The following SSH2 variants were observed in gnomAD, a reference collection of about 807,000 sequenced individuals.
The protein encoded by SSH2 is slingshot protein phosphatase 2.
SSH2 carries 37 observed loss-of-function variants against 135.2 expected under a neutral mutation model. The observed-to-expected ratio is 0.27, with a 90% CI of 0.21 to 0.36. The LOEUF (loss-of-function observed/expected upper bound fraction) is 0.36. Among genes scored for constraint, SSH2 ranks in the 10% least tolerant of loss-of-function variants. The probability of loss-of-function intolerance (pLI) is 1.00; values close to 1 mark genes in which losing one functional copy is unlikely to be tolerated. For missense variants in SSH2, 1,408 were observed against 1,765.3 expected (o/e 0.80, Z 3.63); for synonymous variants, 628 against 646.2 (o/e 0.97, Z 0.43).
chr17:29,653,537 G>A (rs528000611), intron 12 of SSH2, among the ~76,000 whole-genome samples: 25 of 152,028 alleles, frequency 1.6e-4, no homozygotes, highest in African/African-American at 5.5e-4. Flanking sequence ...CTGCTATACC[G>A]CATCTCAGGC....
At chr17:29,829,626 A>G (rs1164817397) in intron 2 of SSH2, among the ~76,000 whole-genome samples, 1 of 152,092 alleles carries the variant, frequency 6.6e-6, no homozygotes, top group African/African-American at 2.4e-5. Flanking sequence ...TACGTTACCT[A>G]TCACTCATTT....
chr17:29,698,081 C>T (rs763678864), intron 4 of SSH2, among the ~76,000 whole-genome samples: 5 of 152,104 alleles, frequency 3.3e-5, no homozygotes, highest in Non-Finnish European at 7.4e-5. Flanking sequence ...GTAAAAGGAG[C>T]CTAACTCAAA....
At chr17:29,650,584 T>C in intron 13 of SSH2, 70 bp downstream of exon 13, 1 of 1,476,216 alleles carries the variant, frequency 6.8e-7, no homozygotes, top group Non-Finnish European at 9.1e-7. Flanking sequence ...TCTATAGCCC[T>C]CAGGACCCAG....
intron 2 of SSH2, among the ~76,000 whole-genome samples, chr17:29,838,682 A>T (rs570674910): frequency 6.6e-6 from 1 of 152,144 alleles, no homozygotes; most frequent in South Asian, 2.1e-4. Flanking sequence ...TGACCTGCCT[A>T]GCAGAGAGGG....
intron 11 of SSH2, among the ~76,000 whole-genome samples, chr17:29,658,509 C>T (rs1218366160): frequency 6.6e-6 from 1 of 152,072 alleles, no homozygotes; most frequent in East Asian, 1.9e-4. Context: ...TTTTTCTATT[C>T]TTTCCCATTT....
rs1288998039 is a variant in SSH2 at position 29,709,037 on chromosome 17, G to T, written c.189-5975C>A. ...ATATAGAGAGAGAGAGAGAGAGAGA[G>T]AGAGAGAGAGAGAGAGCTAATAATA... On this transcript the variant is annotated intron_variant, in intron 3 of 15. Coordinates refer to ENST00000540801, the MANE Select transcript of SSH2 (RefSeq NM_001282129.2). Among the ~76,000 whole-genome samples, 4 of 147,116 alleles carry T rather than the reference G, an allele frequency of 2.7e-5. 1 individual carries two copies. The South Asian group carries it at 8.6e-4, about 31-fold the overall frequency.
intron 1 of SSH2, among the ~76,000 whole-genome samples, chr17:29,866,966 G>A (rs2065864334): frequency 6.6e-6 from 1 of 151,620 alleles, no homozygotes; most frequent in Admixed American, 6.6e-5. Flanking sequence ...CTGAGTAGCT[G>A]AAACTACAGG....
chr17:29,678,243 G>A (rs776577256), intron 6 of SSH2, among the ~76,000 whole-genome samples: 4 of 152,004 alleles, frequency 2.6e-5, no homozygotes, highest in Non-Finnish European at 5.9e-5. Context: ...ACAGGCGAGC[G>A]CCACCACACC....
At chr17:29,653,071 T>C (rs924638021) in intron 12 of SSH2, among the ~76,000 whole-genome samples, 1 of 152,202 alleles carries the variant, frequency 6.6e-6, no homozygotes. Flanking sequence ...TCCTTTTCAT[T>C]ACAAAGCTGT....
chr17:29,717,263 A>G (rs185448290), intron 3 of SSH2, among the ~76,000 whole-genome samples: 4 of 152,290 alleles, frequency 2.6e-5, no homozygotes, highest in African/African-American at 9.6e-5. Context: ...AGCATCTTGA[A>G]TAGCTGGGAC....
chr17:29,910,295 C>T (rs2066742337), intron 1 of SSH2, among the ~76,000 whole-genome samples: 1 of 149,500 alleles, frequency 6.7e-6, no homozygotes, highest in Non-Finnish European at 1.5e-5. Context: ...GAAAAATGTT[C>T]AGAGGGTACA....
At chr17:29,724,211 C>A (rs1275846901) in intron 3 of SSH2, among the ~76,000 whole-genome samples, 12 of 152,168 alleles carry the variant, frequency 7.9e-5, no homozygotes, top group Non-Finnish European at 1.5e-4. Flanking sequence ...TATAATCTAA[C>A]TGAGGTTTTA....
chr17:29,700,829 G>A (rs902649483), intron 4 of SSH2, among the ~76,000 whole-genome samples: 6 of 152,022 alleles, frequency 3.9e-5, no homozygotes, highest in African/African-American at 4.8e-5. Context: ...TCATTCTGTC[G>A]CCCAGGCTGG....
At chr17:29,796,497 T>C (rs975343158) in intron 2 of SSH2, among the ~76,000 whole-genome samples, 1 of 151,928 alleles carries the variant, frequency 6.6e-6, no homozygotes, top group Non-Finnish European at 1.5e-5. Flanking sequence ...TGTGCCACCA[T>C]GGCCTGGCTA....
chr17:29,763,804 A>C (rs2151260970), intron 3 of SSH2, among the ~76,000 whole-genome samples: 1 of 152,288 alleles, frequency 6.6e-6, no homozygotes, highest in East Asian at 1.9e-4. Flanking sequence ...CTTTCTCCTC[A>C]GAAGACCTCT....
intron 1 of SSH2, among the ~76,000 whole-genome samples, chr17:29,853,086 A>T (rs906483660): frequency 2.2e-5 from 3 of 134,778 alleles, no homozygotes; most frequent in African/African-American, 8.2e-5. Context: ...CACTGCAGAG[A>T]TTTTTTTTTT....
At chr17:29,827,851 C>T (rs1478920493) in intron 2 of SSH2, among the ~76,000 whole-genome samples, 1 of 151,726 alleles carries the variant, frequency 6.6e-6, no homozygotes, top group Non-Finnish European at 1.5e-5. Flanking sequence ...TCAATATAAG[C>T]CTTAGGTTTT....
intron 15 of SSH2, among the ~76,000 whole-genome samples, chr17:29,635,629 C>T (rs565136088): frequency 7.2e-5 from 11 of 151,988 alleles, no homozygotes; most frequent in South Asian, 4.2e-4. Context: ...AGGATGGTTT[C>T]GATCTCCTGA....
At chr17:29,774,413 C>T (rs769046176) in intron 3 of SSH2, among the ~76,000 whole-genome samples, 1 of 152,064 alleles carries the variant, frequency 6.6e-6, no homozygotes, top group Non-Finnish European at 1.5e-5. Flanking sequence ...TACAGGTATA[C>T]ACCACCATGC....
Sources: gnomAD v4.1 joint callset for allele counts (sites outside exome capture counted in the v4.1 genomes callset) on GRCh38, gnomAD v4.1.1 for gene constraint, MANE v1.5 for transcripts, NCBI Gene and HGNC (gene_info 2026-07-23, HGNC 2026-07-21) for gene names.